The following PHC2 variants were observed in gnomAD, a reference collection of about 807,000 sequenced individuals.
PHC2 encodes polyhomeotic-like protein 2.
PHC2 carries 29 observed loss-of-function variants against 87.4 expected under a neutral mutation model. That is an observed-to-expected ratio of 0.33 (90% confidence interval 0.25 to 0.45). PHC2 has a LOEUF of 0.45. PHC2 is among the 20% of genes least tolerant of loss of function. The pLI, the probability that PHC2 is intolerant of heterozygous loss-of-function variation, is 1.00. For synonymous variants in PHC2, 438 were observed against 461.7 expected (o/e 0.95, Z 0.66); for missense variants, 857 against 1,136.7 (o/e 0.75, Z 3.54).
intron 14 of PHC2, among the ~76,000 whole-genome samples, chr1:33,327,642 C>T (rs1646400153): frequency 6.6e-6 from 1 of 152,208 alleles, no homozygotes; most frequent in African/African-American, 2.4e-5. Flanking sequence ...TCATAAAGGG[C>T]ACAGTGGCTT....
intron 1 of PHC2, among the ~76,000 whole-genome samples, chr1:33,429,206 G>C (rs1193894878): frequency 1.3e-5 from 2 of 152,098 alleles, no homozygotes; most frequent in African/African-American, 4.8e-5. Flanking sequence ...ACCCTTACTT[G>C]GGAAGATATG....
intron 9 of PHC2, among the ~76,000 whole-genome samples, chr1:33,340,838 C>T (rs780634221): frequency 4.7e-5 from 7 of 149,102 alleles, no homozygotes; most frequent in Non-Finnish European, 1.0e-4. Context: ...TGCAAGTATA[C>T]ATCTTACAGT....
intron 10 of PHC2, chr1:33,333,619 G>C: frequency 6.0e-6 from 1 of 166,180 alleles, no homozygotes; most frequent in Non-Finnish European, 1.3e-5. Context: ...CAAGCTTCAG[G>C]TTGTGACCCT....
chr1:33,419,786 T>C lies in PHC2; in HGVS notation c.-55+11190A>G, dbSNP rs1404783066. ...TACCACGCCCGGCTAATTTTTTGTA[T>C]TTTTAGTAGAGACGGGGTTTCACCG... On this transcript the variant is annotated intron_variant, in intron 1 of 14. Transcript: ENST00000683057. 2.6e-5 allele frequency among the ~76,000 whole-genome samples: 4 copies of C among 152,144 alleles called. No individual in the cohort carries two copies. The East Asian group carries it at 5.8e-4, about 22-fold the overall frequency.
At chr1:33,325,182 TGA>T in intron 14 of PHC2, 163 bp from the exon 15 acceptor site, 1 of 692,490 alleles carries the variant, frequency 1.4e-6, no homozygotes, top group Non-Finnish European at 2.3e-6. Context: ...TTTTGCAGCT[TGA>T]GAGAGGCTGT....
rs1001693128 is a variant in PHC2 at position 33,370,330 on chromosome 1, C to G, written c.576+91G>C. On this transcript the variant is annotated intron_variant, in intron 5 of 14. Coordinates refer to ENST00000683057, the MANE Select transcript of PHC2 (RefSeq NM_001385109.1). ...CTCCTGCCCCTGCCCCTAGTGCTTC[C>G]TCCCCACCCTTCTCCAGCTCCCAGC... The G allele has an allele frequency of 1.0e-5, 14 of 1,334,738 alleles. No homozygotes were observed. In the South Asian group the frequency reaches 1.7e-4, roughly 16 times the overall value. 82.7% of individuals were successfully genotyped at this position (1,334,738 alleles called of 1,614,324 possible).
Position 33,350,181 on chromosome 1 carries a change from AGGGGCCTGG to A in PHC2, c.1558+4211_1558+4219del, listed in dbSNP as rs554274997. 7.3e-4 allele frequency among the ~76,000 whole-genome samples: 111 copies of A among 152,088 alleles called. 1 individual carries two copies. In the East Asian group the frequency reaches 0.018, roughly 25 times the overall value. The stretch of plus-strand genomic sequence containing the variant: ...CCCGCCTTGGACCGTTCACTCCCTG[AGGGGCCTGG>A]GGGTCAGTCAGAAGACTAACGACCA... On this transcript the variant is annotated intron_variant, in intron 9 of 14. Coordinates refer to ENST00000683057, the MANE Select transcript of PHC2 (RefSeq NM_001385109.1).
At chr1:33,360,850 G>A (rs1647181725) in intron 7 of PHC2, among the ~76,000 whole-genome samples, 1 of 152,204 alleles carries the variant, frequency 6.6e-6, no homozygotes, top group Admixed American at 6.5e-5. Flanking sequence ...GACAGGTGAG[G>A]CATGGTGCCT....
At chr1:33,354,589 G>C (rs554943664) in intron 8 of PHC2, 23 bp from the exon 9 acceptor site, 1 of 1,600,480 alleles carries the variant, frequency 6.2e-7, no homozygotes, top group Non-Finnish European at 8.5e-7. Flanking sequence ...AGGACAGAGA[G>C]GGGGGCCTCT....
chr1:33,361,186 G>A lies in PHC2; in HGVS notation c.976+5930C>T, dbSNP rs190181951. Among the ~76,000 whole-genome samples the A allele has an allele frequency of 6.7e-4, 102 of 152,304 alleles. 1 individual carries two copies. The highest frequency in any genetic ancestry group is 1.1e-3 in the Non-Finnish European group (78 of 68,026). On this transcript the variant is annotated intron_variant, in intron 7 of 14. Transcript: ENST00000683057. ...CAGAGCGTCTGCATGAGGACACCAC[G>A]AGCAGTCAGGTGCAGTGGGCAGTGG... is the stretch of plus-strand genomic sequence containing the variant.
rs768182343 is a variant in PHC2 at position 33,324,976 on chromosome 1, G to A, written c.2469C>T (p.Asp823=). The stretch of plus-strand genomic sequence containing the variant: ...CCTTGAGCAGCAGCAGGGCTTGCCC[G>A]TCGATTTCCTGGGCACGGAATTCCT... ...IAEEFRAQEI[D]GQALLLLKED... Residue 823 remains aspartate, a synonymous_variant, in exon 15 of 15, where the codon GAC becomes GAT. Transcript: ENST00000683057. 1.7e-5 allele frequency: 27 copies of A among 1,613,416 alleles called. No homozygotes were observed. Among genetic ancestry groups the A allele is most frequent in the Admixed American group, 1.7e-4 (10 of 59,946 alleles).
intron 1 of PHC2, among the ~76,000 whole-genome samples, chr1:33,394,847 G>T (rs1024307553): frequency 6.6e-6 from 1 of 152,170 alleles, no homozygotes; most frequent in Non-Finnish European, 1.5e-5. Flanking sequence ...TGGGATTACA[G>T]GCATGAGCCA....
At chr1:33,394,827 C>T (rs540370848) in intron 1 of PHC2, among the ~76,000 whole-genome samples, 1 of 152,330 alleles carries the variant, frequency 6.6e-6, no homozygotes, top group African/African-American at 2.4e-5. Context: ...GCCTTGGCCT[C>T]CCGAAGTGTT....
intron 7 of PHC2, among the ~76,000 whole-genome samples, chr1:33,365,175 T>C (rs1451820124): frequency 6.6e-6 from 1 of 152,202 alleles, no homozygotes; most frequent in African/African-American, 2.4e-5. Flanking sequence ...AGCTTCAGTT[T>C]GCTCATCTGT....
chr1:33,338,424 T>C (rs537336139), intron 9 of PHC2, among the ~76,000 whole-genome samples: 7 of 152,136 alleles, frequency 4.6e-5, no homozygotes, highest in Non-Finnish European at 1.0e-4. Context: ...GGAGAGTGTT[T>C]TATGAATATA....
At position 33,330,190 on chromosome 1, in the gene PHC2, G is replaced by A. The variant is rs745443991; in HGVS notation, c.2029C>T (p.Arg677Trp). The A allele has an allele frequency of 3.1e-6, 5 of 1,614,042 alleles. No individual in the cohort carries two copies. The highest frequency in any genetic ancestry group is 4.2e-6 in the Non-Finnish European group (5 of 1,180,048). The change falls in exon 13 of 15, where the codon CGG (arginine) becomes TGG (tryptophan). Residue 677 changes from arginine to tryptophan, a missense_variant. Physicochemically the swap from Arg to Trp is moderately radical, Grantham distance 101 (BLOSUM62 -3). This residue lies in a region of PHC2 where 832 missense variants were observed against 1,081.8 expected (regional missense o/e 0.77). Coordinates refer to ENST00000683057, the MANE Select transcript of PHC2 (RefSeq NM_001385109.1). ...CGGTCTGAGTGGAAAAGTCCCACCC[G>A]TTTGGTGCATCCCACGTTGTACCTT... ...AKRYNVGCTKRVGLFHSDRSK... is the reference protein window; with the variant it reads ...AKRYNVGCTKWVGLFHSDRSK...
At chr1:33,375,893 T>C (rs954201645) in intron 1 of PHC2, among the ~76,000 whole-genome samples, 3 of 152,252 alleles carry the variant, frequency 2.0e-5, no homozygotes, top group African/African-American at 7.2e-5. Context: ...GCAAATGTTA[T>C]GCTACTTTAT....
At chr1:33,338,877 G>T (rs1466360696) in intron 9 of PHC2, among the ~76,000 whole-genome samples, 2 of 152,172 alleles carry the variant, frequency 1.3e-5, no homozygotes, top group African/African-American at 4.8e-5. Flanking sequence ...GGCTTCGGTG[G>T]GGGAAGGGGG....
rs1006322437 is a variant in PHC2 at position 33,368,110 on chromosome 1, C to T, written c.663+426G>A. Among the ~76,000 whole-genome samples, 1 of 152,228 alleles carries T rather than the reference C, an allele frequency of 6.6e-6. No individual in the cohort carries two copies. Among genetic ancestry groups the T allele is most frequent in the African/African-American group, 2.4e-5 (1 of 41,464 alleles). On this transcript the variant is annotated intron_variant, in intron 6 of 14. Coordinates refer to ENST00000683057, the MANE Select transcript of PHC2 (RefSeq NM_001385109.1). The surrounding 1 kb of genome is among the most constrained non-coding windows in gnomAD (Gnocchi z 6.6). ...TCCCAGCCACGGTAGTATCTGTGCG[C>T]TCCTAGCAGAGCAGGACACGTCTCT... is the stretch of plus-strand genomic sequence containing the variant.
Sources: gnomAD v4.1 joint callset for allele counts (sites outside exome capture counted in the v4.1 genomes callset) on GRCh38, gnomAD v4.1.1 for gene constraint, gnomAD v4.1.1 regional missense constraint, Gnocchi (gnomAD v3.1) non-coding constraint, MANE v1.5 for transcripts, NCBI Gene and HGNC (gene_info 2026-07-23, HGNC 2026-07-21) for gene names.